The following TRRAP variants were observed in gnomAD, a reference collection of about 807,000 sequenced individuals.
The protein encoded by TRRAP is transformation/transcription domain associated protein.
Under a neutral mutation model 438.8 loss-of-function variants are expected in TRRAP, and 41 were observed. That is an observed-to-expected ratio of 0.09 (90% CI 0.07 to 0.12). The LOEUF is 0.12. Ranked by LOEUF, TRRAP falls within the 10% of genes least tolerant of loss-of-function variation. The pLI, the probability that TRRAP is intolerant of heterozygous loss-of-function variation, is 1.00. For synonymous variants in TRRAP, 1,994 were observed against 1,962.9 expected, an observed-to-expected ratio of 1.02 and a Z score of -0.42; for missense variants, 3,122 against 5,055.1, an observed-to-expected ratio of 0.62 and a Z score of 11.60.
chr7:98,925,554 C>T (rs781849366), intron 22 of TRRAP, among the ~76,000 whole-genome samples: 6 of 152,248 alleles, frequency 3.9e-5, no homozygotes, highest in Non-Finnish European at 7.3e-5. Context: ...TTCTCCCTCC[C>T]TTTGTCTCAC....
intron 11 of TRRAP, among the ~76,000 whole-genome samples, chr7:98,901,353 C>T (rs1209750065): frequency 1.3e-5 from 2 of 152,218 alleles, no homozygotes; most frequent in Admixed American, 6.5e-5. Flanking sequence ...ACTGAACTTT[C>T]ATCCCCTCCT....
Position 98,956,114 on chromosome 7 carries a change from G to GT in TRRAP, c.5938-30dup. The GT allele has an allele frequency of 6.9e-7, 1 of 1,453,728 alleles. No homozygotes were observed. Among genetic ancestry groups the GT allele is most frequent in the Non-Finnish European group, 9.1e-7 (1 of 1,104,634 alleles). The allele number at this position is 1,453,728 out of a possible 1,614,324, so 90.1% of individuals were successfully genotyped here. ...ATGCACTGTGGGACCAAGCTCCCAT[G>GT]TTCCGGCGTGATGCTGGCCCTGCGT... On this transcript the variant is annotated intron_variant, in intron 41 of 72. Coordinates refer to ENST00000456197, the MANE Select transcript of TRRAP (RefSeq NM_001375524.1). The surrounding 1 kb of genome is among the most constrained non-coding windows in gnomAD (Gnocchi z 4.5).
chr7:98,948,393 A>G lies in TRRAP; in HGVS notation c.4668+53A>G, dbSNP rs1444376104. On this transcript the variant is annotated intron_variant, in intron 34 of 72. Transcript: ENST00000456197. The surrounding 1 kb of genome is among the most constrained non-coding windows in gnomAD (Gnocchi z 4.9). ...CGCTCTGCCACCCTCCGGTGCTTAT[A>G]GCGTCCTCACTTGATCGTATTTTCA... 6.2e-7 allele frequency: 1 copy of G among 1,613,020 alleles called. No individual in the cohort carries two copies. Among genetic ancestry groups the G allele is most frequent in the Non-Finnish European group, 8.5e-7 (1 of 1,179,562 alleles).
Position 98,978,815 on chromosome 7 carries a change from C to G in TRRAP, c.8545C>G (p.Gln2849Glu), listed in dbSNP as rs1211943371. The change falls in exon 58 of 73, where the codon CAG (glutamine) becomes GAG (glutamate). Residue 2849 changes from glutamine (Q) to glutamate (E), a missense_variant. Transcript: ENST00000456197. ...NQWEALTEYGQSKGHINPYLV... is the reference protein window; with the variant it reads ...NQWEALTEYGESKGHINPYLV... Reference sequence around the variant, plus strand: ...GTGGGAAGCCCTGACGGAGTACGGTCAGTCCAAAGGCCACATCAACCCCTA... The same window carrying G: ...GTGGGAAGCCCTGACGGAGTACGGTGAGTCCAAAGGCCACATCAACCCCTA... 4 of 1,614,230 alleles carry G rather than the reference C, an allele frequency of 2.5e-6. No homozygotes were observed. Among genetic ancestry groups the G allele is most frequent in the Non-Finnish European group, 1.7e-6 (2 of 1,180,034 alleles).
intron 23 of TRRAP, among the ~76,000 whole-genome samples, chr7:98,928,862 C>G (rs1301825411): frequency 6.6e-6 from 1 of 151,974 alleles, no homozygotes; most frequent in Non-Finnish European, 1.5e-5. Context: ...CAGCCTCTAC[C>G]TGCTGAGCTC....
At chr7:98,959,605 CA>C (rs1791788267) in intron 45 of TRRAP, 115 bp downstream of exon 45, 1 of 1,445,144 alleles carries the variant, frequency 6.9e-7, no homozygotes, top group Admixed American at 2.4e-5. Flanking sequence ...GCCTAAACCC[CA>C]AATCTCCTGT....
chr7:98,917,380 G>A lies in TRRAP; in HGVS notation c.2366-43G>A. On this transcript the variant is annotated intron_variant, in intron 19 of 72. Transcript: ENST00000456197. ...GTGTGTTTCACCTGGGCCCGAGTCTGGGGAGCGTCTTCCCTCTCTGATAGC... is the reference window on the plus strand; with the variant it reads ...GTGTGTTTCACCTGGGCCCGAGTCTAGGGAGCGTCTTCCCTCTCTGATAGC... The A allele has an allele frequency of 1.9e-6, 3 of 1,598,126 alleles. No homozygotes were observed. The South Asian group carries it at 3.4e-5, about 18-fold the overall frequency.
chr7:98,975,446 C>A, intron 53 of TRRAP, among the ~76,000 whole-genome samples: 1 of 152,174 alleles, frequency 6.6e-6, no homozygotes, highest in East Asian at 1.9e-4. Flanking sequence ...CTCAGGCAGA[C>A]CTAGAAACCT....
At chr7:99,007,056 G>A (rs962719364) in intron 69 of TRRAP, among the ~76,000 whole-genome samples, 3 of 152,194 alleles carry the variant, frequency 2.0e-5, no homozygotes, top group African/African-American at 7.2e-5. Flanking sequence ...CTCCAATACC[G>A]AATGGTGATT....
At chr7:98,909,355 C>T (rs79539555) in intron 14 of TRRAP, among the ~76,000 whole-genome samples, 33 of 152,254 alleles carry the variant, frequency 2.2e-4, no homozygotes, top group Non-Finnish European at 2.9e-4. Flanking sequence ...GCTGTAGGGG[C>T]GGCTTGATCG....
chr7:98,982,870 G>A (rs1018141388), intron 59 of TRRAP, among the ~76,000 whole-genome samples: 1 of 152,200 alleles, frequency 6.6e-6, no homozygotes, highest in African/African-American at 2.4e-5. Flanking sequence ...CACGCCTGCA[G>A]CAGGGATGCC....
intron 22 of TRRAP, among the ~76,000 whole-genome samples, chr7:98,925,481 T>G (rs1192635767): frequency 1.3e-5 from 2 of 152,176 alleles, no homozygotes; most frequent in African/African-American, 4.8e-5. Flanking sequence ...TCGCCTGCCT[T>G]TATTGTGTCT....
rs57047314 is a variant in TRRAP at position 98,953,031 on chromosome 7, TTGTGTGTGTGTGTGTGTG to T, written c.5464-104_5464-87del. On this transcript the variant is annotated intron_variant, in intron 39 of 72. Transcript: ENST00000456197. ...CCTCCTTGTAAAACTTCATGTTACA[TTGTGTGTGTGTGTGTGTG>T]TGTGTGTGTGTGTGTGTGTGTGTGT... 8.9e-5 allele frequency: 104 copies of T among 1,170,174 alleles called. No homozygotes were observed. The African/African-American group carries it at 1.5e-3, about 16-fold the overall frequency. The allele number at this position is 1,170,174 out of a possible 1,614,324, so 72.5% of individuals were successfully genotyped here. A position where few individuals can be genotyped will look rare whatever the true frequency, so the allele number is the denominator to read the frequency against.
chr7:98,951,882 G>A (rs1554418306), intron 39 of TRRAP, among the ~76,000 whole-genome samples: 1 of 151,998 alleles, frequency 6.6e-6, no homozygotes, highest in African/African-American at 2.4e-5. Flanking sequence ...GTAGGGAGAT[G>A]GGGTCCAGAC....
In TRRAP at chr7:98,926,996, G is replaced by A. The variant is rs191163202; in HGVS notation, c.2976-171G>A. The stretch of plus-strand genomic sequence containing the variant: ...ATCGCGCCATTGCACCCCAGCCTGG[G>A]TGACAGAGCGAGACTCCATCCAGGT... On this transcript the variant is annotated intron_variant, in intron 22 of 72. Transcript: ENST00000456197. Among the ~76,000 whole-genome samples the A allele has an allele frequency of 5.3e-5, 8 of 152,328 alleles. No individual in the cohort carries two copies. In the East Asian group the frequency reaches 1.5e-3, roughly 29 times the overall value.
intron 29 of TRRAP, 33 bp downstream of exon 29, chr7:98,937,310 G>A (rs782395606): frequency 1.8e-5 from 28 of 1,597,656 alleles, no homozygotes; most frequent in Admixed American, 5.4e-5. Context: ...ATGCGCACGC[G>A]TGTGTGCACA....
At chr7:98,937,354 C>A in intron 29 of TRRAP, 77 bp downstream of exon 29, 1 of 1,533,804 alleles carries the variant, frequency 6.5e-7, no homozygotes, top group South Asian at 1.3e-5. Flanking sequence ...AAGAGTTCTT[C>A]CTGTTTATTG....
intron 21 of TRRAP, among the ~76,000 whole-genome samples, chr7:98,923,222 G>C (rs1281310223): frequency 1.3e-5 from 2 of 152,148 alleles, no homozygotes; most frequent in South Asian, 4.1e-4. Flanking sequence ...TAGACAAAAA[G>C]CTCCCCCCAC....
chr7:98,913,189 G>C (rs1584302761), intron 18 of TRRAP, among the ~76,000 whole-genome samples: 1 of 152,138 alleles, frequency 6.6e-6, no homozygotes, highest in South Asian at 2.1e-4. Context: ...CTTGGGGTCT[G>C]TTGCAACTGA....
Sources: allele counts gnomAD v4.1 joint callset (sites outside exome capture counted in the v4.1 genomes callset), GRCh38; gene constraint gnomAD v4.1.1; non-coding constraint Gnocchi (gnomAD v3.1); transcripts MANE v1.5; gene names NCBI Gene and HGNC (gene_info 2026-07-23, HGNC 2026-07-21).